MNAT1: variants seen among roughly 807,000 people sequenced by gnomAD.
MNAT1 encodes CDK-activating kinase assembly factor MAT1.
A neutral mutation model predicts 42.0 loss-of-function variants in MNAT1; 43 were observed. The observed-to-expected ratio is 1.02, with a 90% CI of 0.80 to 1.32. The LOEUF (loss-of-function observed/expected upper bound fraction) is 1.32, where lower values mean the gene tolerates loss of function less well. Among genes scored for constraint, MNAT1 ranks in the 40% most tolerant of loss-of-function variants. MNAT1 has a pLI of 0.00. For synonymous variants in MNAT1, 118 were observed against 120.0 expected (o/e 0.98, Z 0.11); for missense variants, 306 against 350.4 (o/e 0.87, Z 1.01).
chr14:60,836,215 C>T (rs1287192841), intron 6 of MNAT1, among the ~76,000 whole-genome samples: 1 of 152,034 alleles, frequency 6.6e-6, no homozygotes, highest in Non-Finnish European at 1.5e-5. Flanking sequence ...TGTTATTATC[C>T]ACCTTGTGAA....
At chr14:60,881,792 A>G (rs1477906872) in intron 7 of MNAT1, among the ~76,000 whole-genome samples, 1 of 152,094 alleles carries the variant, frequency 6.6e-6, no homozygotes, top group Non-Finnish European at 1.5e-5. Context: ...AAAGAATCCA[A>G]TTATATTATT....
chr14:60,935,709 G>T lies in MNAT1; in HGVS notation c.810-32520G>T, dbSNP rs189535432. Among the ~76,000 whole-genome samples, 735 of 152,296 alleles carry T rather than the reference G, an allele frequency of 4.8e-3. 4 individuals are homozygous for T. Among genetic ancestry groups the T allele is most frequent in the African/African-American group, 0.016 (685 of 41,568 alleles). ...ATAAGAGTATGATGCAGGGTAGGAG[G>T]AGAAATCAGAAAGCAATAGATTCTA... is the stretch of plus-strand genomic sequence containing the variant. On this transcript the variant is annotated intron_variant, in intron 7 of 7. Transcript: ENST00000261245.
At chr14:60,909,174 G>GT (rs1013910441) in intron 7 of MNAT1, among the ~76,000 whole-genome samples, 10 of 152,092 alleles carry the variant, frequency 6.6e-5, no homozygotes, top group African/African-American at 2.4e-4. Flanking sequence ...GGGGTTTTTT[G>GT]TTTTTTTCTT....
chr14:60,925,625 G>A (rs537512276), intron 7 of MNAT1, among the ~76,000 whole-genome samples: 1 of 151,984 alleles, frequency 6.6e-6, no homozygotes. Context: ...CTTCCATCAG[G>A]TTACATTCAC....
chr14:60,762,381 G>A (rs2030637386), intron 1 of MNAT1, among the ~76,000 whole-genome samples: 1 of 152,018 alleles, frequency 6.6e-6, no homozygotes, highest in African/African-American at 2.4e-5. Flanking sequence ...ATGATGGGAA[G>A]TATGTAAAGA....
In MNAT1 at chr14:60,812,139, T is replaced by C; in HGVS notation, c.561+12T>C. The C allele has an allele frequency of 1.3e-6, 2 of 1,529,124 alleles. No homozygotes were observed. The highest frequency in any genetic ancestry group is 2.2e-5 in the Admixed American group (1 of 45,184). 94.7% of individuals were successfully genotyped at this position (1,529,124 alleles called of 1,614,324 possible). On this transcript the variant is annotated intron_variant, in intron 5 of 7. Transcript: ENST00000261245. ...TTTTAGATGAGCTGGTATGTATTAA[T>C]GCTAATTGTGATTGTAAAAAACATT...
chr14:60,913,600 C>A (rs1020035184), intron 7 of MNAT1, among the ~76,000 whole-genome samples: 3 of 152,052 alleles, frequency 2.0e-5, no homozygotes, highest in Admixed American at 6.5e-5. Context: ...CACTCCAGAC[C>A]CGGTTTGCCT....
intron 6 of MNAT1, among the ~76,000 whole-genome samples, chr14:60,853,262 TCC>T (rs1453587579): frequency 6.6e-5 from 10 of 152,174 alleles, no homozygotes; most frequent in Non-Finnish European, 1.2e-4. Flanking sequence ...GTCCTTCACG[TCC>T]CCCTTAAGTT....
intron 7 of MNAT1, among the ~76,000 whole-genome samples, chr14:60,903,520 A>G (rs2035116459): frequency 6.6e-6 from 1 of 152,198 alleles, no homozygotes; most frequent in Admixed American, 6.5e-5. Flanking sequence ...CATAATTCAC[A>G]TACAATAAAA....
chr14:60,776,254 A>T (rs575793962), intron 1 of MNAT1, among the ~76,000 whole-genome samples: 2 of 152,264 alleles, frequency 1.3e-5, no homozygotes, highest in African/African-American at 4.8e-5. Flanking sequence ...AGGTCAAAGG[A>T]TAGAGTAGTG....
intron 7 of MNAT1, among the ~76,000 whole-genome samples, chr14:60,945,003 T>C (rs1166530064): frequency 6.6e-6 from 1 of 152,194 alleles, no homozygotes. Flanking sequence ...GCTAATAAAA[T>C]ATTTCATCAG....
chr14:60,833,302 T>C (rs565625306), intron 6 of MNAT1, among the ~76,000 whole-genome samples: 5 of 152,330 alleles, frequency 3.3e-5, no homozygotes, highest in Admixed American at 3.3e-4. Flanking sequence ...CCGTATGATA[T>C]TGGCTATGGG....
intron 7 of MNAT1, among the ~76,000 whole-genome samples, chr14:60,951,635 C>T (rs1294559872): frequency 1.3e-5 from 2 of 151,936 alleles, no homozygotes; most frequent in Admixed American, 6.6e-5. Flanking sequence ...CTATTCCTTT[C>T]GTGGTTTCTT....
At chr14:60,908,352 C>T (rs931552468) in intron 7 of MNAT1, among the ~76,000 whole-genome samples, 6 of 151,794 alleles carry the variant, frequency 4.0e-5, no homozygotes, top group Non-Finnish European at 5.9e-5. Context: ...TTAAGTTTTA[C>T]GGTATATGTG....
At chr14:60,950,313 A>G (rs1399056934) in intron 7 of MNAT1, among the ~76,000 whole-genome samples, 1 of 152,204 alleles carries the variant, frequency 6.6e-6, no homozygotes, top group African/African-American at 2.4e-5. Context: ...AGTTCAGTTT[A>G]TGAGATGGGA....
intron 7 of MNAT1, among the ~76,000 whole-genome samples, chr14:60,936,425 T>C (rs1315217154): frequency 8.1e-6 from 1 of 123,258 alleles, no homozygotes; most frequent in Non-Finnish European, 1.6e-5. Context: ...TTCCCCTTCC[T>C]GTGTCCGTGT....
At chr14:60,774,958 AT>A (rs1006463817) in intron 1 of MNAT1, among the ~76,000 whole-genome samples, 1 of 152,082 alleles carries the variant, frequency 6.6e-6, no homozygotes, top group African/African-American at 2.4e-5. Flanking sequence ...GGAGTCATTG[AT>A]TAGGTGGTTG....
chr14:60,927,201 T>C (rs140815253), intron 7 of MNAT1, among the ~76,000 whole-genome samples: 325 of 152,294 alleles, frequency 2.1e-3, no homozygotes, highest in African/African-American at 6.9e-3. Flanking sequence ...TTGGGACCTA[T>C]TGCTTATTTG....
chr14:60,770,616 T>A (rs576173673), intron 1 of MNAT1, among the ~76,000 whole-genome samples: 1 of 152,352 alleles, frequency 6.6e-6, no homozygotes, highest in African/African-American at 2.4e-5. Context: ...TTTCAAATAT[T>A]CTGTTCTGCT....
Sources: gnomAD v4.1 joint callset for allele counts (sites outside exome capture counted in the v4.1 genomes callset) on GRCh38, gnomAD v4.1.1 for gene constraint, MANE v1.5 for transcripts, NCBI Gene and HGNC (gene_info 2026-07-23, HGNC 2026-07-21) for gene names.